The following MOV10L1 variants were observed in gnomAD, a reference collection of about 807,000 sequenced individuals.
The protein encoded by MOV10L1 is RNA helicase Mov10l1.
MOV10L1 carries 110 observed loss-of-function variants against 143.8 expected under a neutral mutation model. The ratio of observed to expected loss-of-function variants is 0.76; its 90% CI spans 0.66 to 0.90. The LOEUF (loss-of-function observed/expected upper bound fraction) is 0.90, where lower values mean the gene tolerates loss of function less well. Ranked by LOEUF, MOV10L1 falls within the 40% of genes least tolerant of loss-of-function variation. The probability of loss-of-function intolerance (pLI) is 0.00; values close to 1 mark genes in which losing one functional copy is unlikely to be tolerated. For synonymous variants in MOV10L1, 593 were observed against 581.1 expected (o/e 1.02, Z -0.29); for missense variants, 1,406 against 1,526.8 (o/e 0.92, Z 1.32).
intron 5 of MOV10L1, among the ~76,000 whole-genome samples, chr22:50,111,702 A>G (rs183281436): frequency 1.5e-3 from 225 of 151,562 alleles, no homozygotes; most frequent in African/African-American, 5.2e-3. Context: ...ACGGGGTTTC[A>G]CCGTGTTAGC....
intron 8 of MOV10L1, among the ~76,000 whole-genome samples, chr22:50,115,927 G>A (rs2062161052): frequency 6.6e-6 from 1 of 152,178 alleles, no homozygotes; most frequent in Non-Finnish European, 1.5e-5. Context: ...CCCCTTCCTA[G>A]CTGGGATGCC....
rs111406730 is a variant in MOV10L1, at chr22:50,116,193, CT to C, written c.1260-949del. On this transcript the variant is annotated intron_variant, in intron 8 of 26. Transcript: ENST00000262794. ...GTGTGAGGTGCAGCCAGCTTCAATG[CT>C]TTTTTTTTTTTTTTGACATTATGAC... 9.9e-3 allele frequency among the ~76,000 whole-genome samples: 1,385 copies of C among 139,520 alleles called. 5 individuals are homozygous for C. Among genetic ancestry groups the C allele is most frequent in the African/African-American group, 0.02 (778 of 38,040 alleles). 91.5% of individuals were successfully genotyped at this position (139,520 alleles called of 152,430 possible). A position where few individuals can be genotyped will look rare whatever the true frequency, so the allele number is the denominator to read the frequency against.
chr22:50,142,346 G>C (rs2063012949), intron 16 of MOV10L1, among the ~76,000 whole-genome samples, 157 bp downstream of exon 16: 1 of 152,188 alleles, frequency 6.6e-6, no homozygotes, highest in African/African-American at 2.4e-5. Flanking sequence ...TGGAGACTTG[G>C]TGTTTTAGCT....
Position 50,106,827 on chromosome 22 carries a change from G to A in MOV10L1, c.443-1309G>A, listed in dbSNP as rs530517477. On this transcript the variant is annotated intron_variant, in intron 3 of 26. Transcript: ENST00000262794. ...TGCCATTCTCCTGCCTCAGCCTCCC[G>A]AGTAGCTGGGACCACAGGCGCCTGC... Among the ~76,000 whole-genome samples, 7 of 149,112 alleles carry A rather than the reference G, an allele frequency of 4.7e-5. No homozygotes were observed. In the East Asian group the frequency reaches 6.1e-4, roughly 13 times the overall value.
At chr22:50,097,825 T>C (rs1231855802) in intron 2 of MOV10L1, among the ~76,000 whole-genome samples, 1 of 151,990 alleles carries the variant, frequency 6.6e-6, no homozygotes, top group African/African-American at 2.4e-5. Context: ...TTGCGTTGCA[T>C]TTGTTGGGTT....
intron 3 of MOV10L1, among the ~76,000 whole-genome samples, chr22:50,105,416 T>G (rs193004243): frequency 6.6e-6 from 1 of 152,190 alleles, no homozygotes; most frequent in Non-Finnish European, 1.5e-5. Context: ...AAGGGCTTCA[T>G]CGAAAGATTC....
chr22:50,115,667 C>T (rs760064092), intron 8 of MOV10L1, among the ~76,000 whole-genome samples: 8 of 152,228 alleles, frequency 5.3e-5, no homozygotes, highest in Non-Finnish European at 7.3e-5. Context: ...CCTGTAACTT[C>T]GCACGACTCA....
chr22:50,127,416 A>ACTC (rs2062541751), intron 12 of MOV10L1, among the ~76,000 whole-genome samples: 1 of 152,192 alleles, frequency 6.6e-6, no homozygotes, highest in Non-Finnish European at 1.5e-5. Flanking sequence ...TCTCAAGTAG[A>ACTC]CTAACGCATG....
rs147793127 is a variant in MOV10L1, at chr22:50,137,828, T to C, written c.2070+3198T>C. Among the ~76,000 whole-genome samples the C allele has an allele frequency of 6.3e-3, 618 of 97,830 alleles. 17 individuals are homozygous for C. The highest frequency in any genetic ancestry group is 0.019 in the African/African-American group (585 of 30,596). The allele number at this position is 97,830 out of a possible 152,430, so 64.2% of individuals were successfully genotyped here. The stretch of plus-strand genomic sequence containing the variant: ...ATATATATACATATATAAATATACA[T>C]ATTTTATATATACATATATAAATAT... On this transcript the variant is annotated intron_variant, in intron 15 of 26. Coordinates refer to ENST00000262794, the MANE Select transcript of MOV10L1 (RefSeq NM_018995.3).
Position 50,161,358 on chromosome 22 carries a change from C to CT in MOV10L1, c.3555-9dup. 6.4e-7 allele frequency: 1 copy of CT among 1,573,714 alleles called. No individual in the cohort carries two copies. The highest frequency in any genetic ancestry group is 8.6e-7 in the Non-Finnish European group (1 of 1,159,950). Reference sequence around the variant, plus strand: ...GGCTCACTGGCCATCCGCTTCTCCTCTGTCTACAGCTGTGGCGAGGGGGTG... The same window carrying CT: ...GGCTCACTGGCCATCCGCTTCTCCTCTTGTCTACAGCTGTGGCGAGGGGGTG... On this transcript the variant is annotated splice_polypyrimidine_tract_variant and intron_variant, in intron 26 of 26. Coordinates refer to ENST00000262794, the MANE Select transcript of MOV10L1 (RefSeq NM_018995.3).
intron 3 of MOV10L1, among the ~76,000 whole-genome samples, chr22:50,107,686 G>A (rs574512427): frequency 1.3e-4 from 20 of 152,292 alleles, no homozygotes; most frequent in Middle Eastern, 3.4e-3. Flanking sequence ...CCATGGCTTG[G>A]ACCACAGCAC....
chr22:50,152,982 C>G lies in MOV10L1; in HGVS notation c.2893-63C>G. 5 of 1,459,306 alleles carry G rather than the reference C, an allele frequency of 3.4e-6. No individual in the cohort carries two copies. The allele number at this position is 1,459,306 out of a possible 1,614,324, so 90.4% of individuals were successfully genotyped here. ...ACGTTTGCTGTGCAGAGCCGCTTTT[C>G]GTTCGACAGAAACTGTGCCGGGTAC... On this transcript the variant is annotated intron_variant, in intron 21 of 26. Transcript: ENST00000262794. This position sits in a 1 kb window ranked among gnomAD's most constrained non-coding sequence, Gnocchi z 4.4.
chr22:50,134,745 G>A lies in MOV10L1; in HGVS notation c.2070+115G>A, dbSNP rs138742811. The A allele has an allele frequency of 1.6e-4, 132 of 849,278 alleles. 2 individuals carry two copies. In the East Asian group the frequency reaches 2.4e-3, roughly 15 times the overall value. The allele number at this position is 849,278 out of a possible 1,614,324, so 52.6% of individuals were successfully genotyped here. A position where few individuals can be genotyped will look rare whatever the true frequency, so the allele number is the denominator to read the frequency against. On this transcript the variant is annotated intron_variant, in intron 15 of 26. Coordinates refer to ENST00000262794, the MANE Select transcript of MOV10L1 (RefSeq NM_018995.3). ...GTCTCTACACAGGGGATGGCTCAGCGATGTAACTGTCTACACAGGGGGTGG... is the reference window on the plus strand; with the variant it reads ...GTCTCTACACAGGGGATGGCTCAGCAATGTAACTGTCTACACAGGGGGTGG...
chr22:50,145,882 C>A, intron 19 of MOV10L1, 72 bp downstream of exon 19: 1 of 1,591,616 alleles, frequency 6.3e-7, no homozygotes, highest in Non-Finnish European at 8.6e-7. Context: ...TAGCTTCTGT[C>A]TGAGGGGCGG....
At chr22:50,144,698 C>T (rs2070230015) in intron 18 of MOV10L1, among the ~76,000 whole-genome samples, 1 of 151,824 alleles carries the variant, frequency 6.6e-6, no homozygotes, top group African/African-American at 2.4e-5. Context: ...TCTCTGGCCT[C>T]AGCCTCCCAA....
At chr22:50,124,641 C>G (rs1192929802) in intron 10 of MOV10L1, among the ~76,000 whole-genome samples, 1 of 152,228 alleles carries the variant, frequency 6.6e-6, no homozygotes, top group Non-Finnish European at 1.5e-5. Flanking sequence ...TGCTGAGGCC[C>G]TGGTCTGGCC....
chr22:50,090,815 T>C (rs1001172789), intron 1 of MOV10L1: 1 of 335,004 alleles, frequency 3.0e-6, no homozygotes, highest in South Asian at 3.3e-5. Context: ...CAGCGGGGAT[T>C]ATAGGCACCC....
intron 15 of MOV10L1, among the ~76,000 whole-genome samples, chr22:50,137,963 A>G (rs2062879821): frequency 1.3e-5 from 2 of 151,804 alleles, no homozygotes; most frequent in Admixed American, 1.3e-4. Context: ...GGTTCATCCC[A>G]GGAATGGCTT....
chr22:50,141,495 A>ATTT lies in MOV10L1; in HGVS notation c.2071-572_2071-570dup, dbSNP rs56881561. On this transcript the variant is annotated intron_variant, in intron 15 of 26. Coordinates refer to ENST00000262794, the MANE Select transcript of MOV10L1 (RefSeq NM_018995.3). ...AGGTGAGCACCACCATGCCCGGCTA[A>ATTT]TTTTTTTTTTTTTTTTGTATTTTTG... is the stretch of plus-strand genomic sequence containing the variant. Among the ~76,000 whole-genome samples, 104 of 138,170 alleles carry ATTT rather than the reference A, an allele frequency of 7.5e-4. 2 individuals carry two copies. The highest frequency in any genetic ancestry group is 5.5e-3 in the East Asian group (26 of 4,710). 90.6% of individuals were successfully genotyped at this position (138,170 alleles called of 152,430 possible).
Sources: allele counts gnomAD v4.1 joint callset (sites outside exome capture counted in the v4.1 genomes callset), GRCh38; gene constraint gnomAD v4.1.1; non-coding constraint Gnocchi (gnomAD v3.1); transcripts MANE v1.5; gene names NCBI Gene and HGNC (gene_info 2026-07-23, HGNC 2026-07-21).